The following NUDC variants were observed in gnomAD, a reference collection of about 807,000 sequenced individuals.
The protein encoded by NUDC is nuclear distribution C, dynein complex regulator.
A neutral mutation model predicts 45.0 loss-of-function variants in NUDC; 14 were observed. The ratio of observed to expected loss-of-function variants is 0.31; its 90% CI spans 0.21 to 0.49. The LOEUF (loss-of-function observed/expected upper bound fraction) is 0.49, where lower values mean the gene tolerates loss of function less well. NUDC is among the 20% of genes least tolerant of loss of function. NUDC has a pLI of 0.99. For synonymous variants in NUDC, 153 were observed against 156.7 expected, an observed-to-expected ratio of 0.98 and a Z score of 0.17; for missense variants, 323 against 426.2, an observed-to-expected ratio of 0.76 and a Z score of 2.13.
rs772634074 is a variant in NUDC at position 26,945,483 on chromosome 1, G to C, written c.825+10G>C. 1 of 1,613,994 alleles carries C rather than the reference G, an allele frequency of 6.2e-7. No homozygotes were observed. Among genetic ancestry groups the C allele is most frequent in the South Asian group, 1.1e-5 (1 of 91,086 alleles). On this transcript the variant is annotated intron_variant, in intron 7 of 8. Coordinates refer to ENST00000321265, the MANE Select transcript of NUDC (RefSeq NM_006600.4). ...CCCTGAGAATTCCAAGGTGAGCCCT[G>C]GCTGGTTGGGGGAGCTTCAGCAGGA... is the stretch of plus-strand genomic sequence containing the variant.
Position 26,924,846 on chromosome 1 carries a change from T to C in NUDC, c.159+680T>C, listed in dbSNP as rs1352356898. On this transcript the variant is annotated intron_variant, in intron 2 of 8. Coordinates refer to ENST00000321265, the MANE Select transcript of NUDC (RefSeq NM_006600.4). Reference sequence around the variant, plus strand: ...GATTACAGGTATAAGCCACTGTGCCTGGCCAGGAGGTTTTATTTTTACTTT... The same window carrying C: ...GATTACAGGTATAAGCCACTGTGCCCGGCCAGGAGGTTTTATTTTTACTTT... Among the ~76,000 whole-genome samples the C allele has an allele frequency of 2.7e-5, 4 of 149,026 alleles. No individual in the cohort carries two copies. The South Asian group carries it at 6.4e-4, about 24-fold the overall frequency.
intron 2 of NUDC, among the ~76,000 whole-genome samples, chr1:26,925,538 CAAAA>C (rs71010305): frequency 2.3e-5 from 1 of 43,370 alleles, no homozygotes; most frequent in Non-Finnish European, 4.7e-5. Context: ...GACTCCGTCT[CAAAA>C]AAAAAAAAAA....
At chr1:26,933,329 C>G (rs183969581) in intron 2 of NUDC, among the ~76,000 whole-genome samples, 1 of 152,164 alleles carries the variant, frequency 6.6e-6, no homozygotes, top group African/African-American at 2.4e-5. Context: ...AACATAGGTG[C>G]ACAAATCTTT....
At chr1:26,923,954 TCTC>T (rs2082111032) in intron 1 of NUDC, 132 bp from the exon 2 acceptor site, 6 of 759,956 alleles carry the variant, frequency 7.9e-6, no homozygotes, top group South Asian at 1.4e-5. Flanking sequence ...GGGGAGATAA[TCTC>T]CTCAGTTGGG....
At chr1:26,901,316 C>G (rs576114515) in intron 1 of NUDC, among the ~76,000 whole-genome samples, 7 of 151,726 alleles carry the variant, frequency 4.6e-5, no homozygotes, top group Non-Finnish European at 1.0e-4. Flanking sequence ...GTATTGAACT[C>G]CAGGGCTCAA....
At chr1:26,924,197 G>A (rs760550167) in intron 2 of NUDC, 31 bp downstream of exon 2, 11 of 1,593,940 alleles carry the variant, frequency 6.9e-6, no homozygotes, top group Admixed American at 1.7e-5. Flanking sequence ...TCCTTTGGGC[G>A]GCTCTGTCTC....
Position 26,941,524 on chromosome 1 carries a change from G to A in NUDC, c.227G>A (p.Arg76Gln), listed in dbSNP as rs1184679216. The A allele has an allele frequency of 4.3e-6, 7 of 1,613,912 alleles. No individual in the cohort carries two copies. The highest frequency in any genetic ancestry group is 2.2e-5 in the East Asian group (1 of 44,890). ...AAGACCCGGCGGGAGAAGAGAGCCCGGCAGGAGGCCGAGCGGCGGGAGAAG... is the reference window on the plus strand; with the variant it reads ...AAGACCCGGCGGGAGAAGAGAGCCCAGCAGGAGGCCGAGCGGCGGGAGAAG... ...AQKTRREKRA[R>Q]QEAERREKAE... is the part of the protein sequence containing the mutation. Residue 76 changes from arginine (R) to glutamine (Q), a missense_variant, in exon 3 of 9, where the codon CGG becomes CAG. Physicochemically the swap from Arg to Gln is conservative, Grantham distance 43. This residue lies in a region of NUDC where 245 missense variants were observed against 278.8 expected (regional missense o/e 0.88). Coordinates refer to ENST00000321265, the MANE Select transcript of NUDC (RefSeq NM_006600.4).
intron 2 of NUDC, among the ~76,000 whole-genome samples, chr1:26,939,924 G>A (rs551639530): frequency 6.6e-6 from 1 of 152,302 alleles, no homozygotes; most frequent in South Asian, 2.1e-4. Context: ...TAAGGAAACA[G>A]GCTTAGAAAG....
upstream of NUDC, among the ~76,000 whole-genome samples, chr1:26,917,455 G>A (rs746911568): frequency 6.6e-6 from 1 of 151,998 alleles, no homozygotes; most frequent in Non-Finnish European, 1.5e-5. Flanking sequence ...CCAGCTTTTC[G>A]GGAGGCTGAG....
Position 26,945,677 on chromosome 1 carries a change from T to C in NUDC, c.935T>C (p.Ile312Thr). The change falls in exon 8 of 9, where the codon ATT becomes ACT. Residue 312 changes from isoleucine (I) to threonine (T), a missense_variant. By Grantham distance (89) the Ile-to-Thr change is moderately conservative. Coordinates refer to ENST00000321265, the MANE Select transcript of NUDC (RefSeq NM_006600.4). ...PTSDEQKKQEILKKFMDQHPE... is the reference protein window; with the variant it reads ...PTSDEQKKQETLKKFMDQHPE... Reference sequence around the variant, plus strand: ...TCAGACGAACAGAAGAAACAGGAGATTCTGAAGAAGTGAGCAATTCAGAGA... The same window carrying C: ...TCAGACGAACAGAAGAAACAGGAGACTCTGAAGAAGTGAGCAATTCAGAGA... The C allele has an allele frequency of 6.2e-7, 1 of 1,613,260 alleles. No homozygotes were observed. Among genetic ancestry groups the C allele is most frequent in the Non-Finnish European group, 8.5e-7 (1 of 1,179,394 alleles).
chr1:26,910,618 G>A (rs780804496), intron 2 of NUDC, among the ~76,000 whole-genome samples: 124 of 152,282 alleles, frequency 8.1e-4, no homozygotes, highest in Non-Finnish European at 1.6e-3. Flanking sequence ...GGTGGGGACT[G>A]GTCAGGGCAG....
At position 26,921,753 on chromosome 1, in the gene NUDC, G is replaced by A. The variant is rs2082092189; in HGVS notation, c.-96G>A. On this transcript the variant is annotated 5_prime_UTR_variant, in exon 1 of 9. Coordinates refer to ENST00000321265, the MANE Select transcript of NUDC (RefSeq NM_006600.4). ...GTTTCCGGCTCCGCTGCGGAAGGCG[G>A]ACGACTAGAGTCGTTGGGCCCGGCG... 11 of 1,325,952 alleles carry A rather than the reference G, an allele frequency of 8.3e-6. No individual in the cohort carries two copies. Among genetic ancestry groups the A allele is most frequent in the Non-Finnish European group, 1.2e-5 (11 of 948,664 alleles). 82.1% of individuals were successfully genotyped at this position (1,325,952 alleles called of 1,614,324 possible). A position where few individuals can be genotyped will look rare whatever the true frequency, so the allele number is the denominator to read the frequency against.
At chr1:26,915,067 A>ATATATATATATATATATATATATATATG (rs1463495079) in intron 3 of NUDC, among the ~76,000 whole-genome samples, 1 of 148,592 alleles carries the variant, frequency 6.7e-6, no homozygotes, top group African/African-American at 2.5e-5. Context: ...ACATATATAT[A>ATATATATATATATATATATATATATATG]TATATATATG....
At chr1:26,911,545 C>T (rs545335304) in intron 3 of NUDC, 43 of 429,554 alleles carry the variant, frequency 1.0e-4, no homozygotes, top group African/African-American at 7.6e-4. Flanking sequence ...TGTATAAAGT[C>T]GATAGGACTT....
At chr1:26,931,192 C>G (rs1287433027) in intron 2 of NUDC, among the ~76,000 whole-genome samples, 6 of 150,348 alleles carry the variant, frequency 4.0e-5, no homozygotes, top group Non-Finnish European at 8.9e-5. Flanking sequence ...GTTCTCCCAC[C>G]TCAGCCTCCC....
intron 4 of NUDC, 30 bp from the exon 5 acceptor site, chr1:26,942,630 A>G: frequency 6.2e-7 from 1 of 1,613,442 alleles, no homozygotes; most frequent in Non-Finnish European, 8.5e-7. Context: ...TCTGTCAAGT[A>G]AGTAGCTGAG....
chr1:26,928,248 T>A (rs907425300), intron 2 of NUDC, among the ~76,000 whole-genome samples: 3 of 152,120 alleles, frequency 2.0e-5, no homozygotes, highest in African/African-American at 7.2e-5. Context: ...CTACATGAAT[T>A]TTTTTTGGTT....
In NUDC at chr1:26,924,248, G is replaced by A. The variant is rs901737602; in HGVS notation, c.159+82G>A. ...CACCTGGCCTTTCTTTGGCATAATAGTAACTTTCAGCAGAAGCGAAATGCC... is the reference window on the plus strand; with the variant it reads ...CACCTGGCCTTTCTTTGGCATAATAATAACTTTCAGCAGAAGCGAAATGCC... On this transcript the variant is annotated intron_variant, in intron 2 of 8. Coordinates refer to ENST00000321265, the MANE Select transcript of NUDC (RefSeq NM_006600.4). 7 of 1,211,706 alleles carry A rather than the reference G, an allele frequency of 5.8e-6. No individual in the cohort carries two copies. The East Asian group carries it at 1.6e-4, about 28-fold the overall frequency. 75.1% of individuals were successfully genotyped at this position (1,211,706 alleles called of 1,614,324 possible). A position where few individuals can be genotyped will look rare whatever the true frequency, so the allele number is the denominator to read the frequency against.
chr1:26,945,556 G>T lies in NUDC; in HGVS notation c.826-12G>T. 1 of 1,612,930 alleles carries T rather than the reference G, an allele frequency of 6.2e-7. No individual in the cohort carries two copies. The highest frequency in any genetic ancestry group is 8.5e-7 in the Non-Finnish European group (1 of 1,178,892). On this transcript the variant is annotated splice_polypyrimidine_tract_variant and intron_variant, in intron 7 of 8. Coordinates refer to ENST00000321265, the MANE Select transcript of NUDC (RefSeq NM_006600.4). ...CAGAGCTTCACCGATTCCTGTCACTGCCTGCCCTCAGCTGTCAGACCTGGA... is the reference window on the plus strand; with the variant it reads ...CAGAGCTTCACCGATTCCTGTCACTTCCTGCCCTCAGCTGTCAGACCTGGA...
Sources: gnomAD v4.1 joint callset for allele counts (sites outside exome capture counted in the v4.1 genomes callset) on GRCh38, gnomAD v4.1.1 for gene constraint, gnomAD v4.1.1 regional missense constraint, MANE v1.5 for transcripts, NCBI Gene and HGNC (gene_info 2026-07-23, HGNC 2026-07-21) for gene names.